Variants in ME3 observed in about 807,000 individuals in gnomAD.
ME3 encodes the protein NADP-dependent malic enzyme, mitochondrial.
Under a neutral mutation model 68.9 loss-of-function variants are expected in ME3, and 48 were observed. The observed-to-expected ratio is 0.70, with a 90% CI of 0.55 to 0.89. The LOEUF is 0.89. Among genes scored for constraint, ME3 ranks in the 40% least tolerant of loss-of-function variants. ME3 has a pLI of 0.00. For missense variants in ME3, 675 were observed against 797.4 expected, an observed-to-expected ratio of 0.85 and a Z score of 1.85; for synonymous variants, 320 against 318.8, an observed-to-expected ratio of 1.00 and a Z score of -0.04.
At chr11:86,664,978 G>T (rs1946502183) in intron 2 of ME3, among the ~76,000 whole-genome samples, 1 of 152,184 alleles carries the variant, frequency 6.6e-6, no homozygotes. Flanking sequence ...CACTCCAGAT[G>T]GGCATGTCAA....
At chr11:86,556,556 G>A in exon 4 of ME3, 2 of 1,613,632 alleles carry the variant, frequency 1.2e-6, no homozygotes, top group Non-Finnish European at 1.7e-6. Flanking sequence ...GGCTCACCGG[G>A]GCCTGCGGAA....
At chr11:86,663,392 T>C (rs750189150) in intron 2 of ME3, among the ~76,000 whole-genome samples, 2 of 152,182 alleles carry the variant, frequency 1.3e-5, no homozygotes, top group African/African-American at 4.8e-5. Context: ...ACCTTTCAGA[T>C]ACAAAATGAA....
intron 2 of ME3, among the ~76,000 whole-genome samples, chr11:86,582,922 A>AG (rs1170555792): frequency 6.6e-6 from 1 of 151,992 alleles, no homozygotes; most frequent in Admixed American, 6.6e-5. Context: ...AAAAAAAAAA[A>AG]GAAGACAGAA....
intron 4 of ME3, among the ~76,000 whole-genome samples, chr11:86,534,585 G>A (rs1955516455): frequency 6.6e-6 from 1 of 152,154 alleles, no homozygotes. Flanking sequence ...TGAGGCAGGA[G>A]AACTGCTTAA....
chr11:86,523,124 G>C (rs901865863), intron 4 of ME3, among the ~76,000 whole-genome samples: 1 of 152,158 alleles, frequency 6.6e-6, no homozygotes, highest in Admixed American at 6.5e-5. Flanking sequence ...TTGAAGACCT[G>C]ATCTTTGGAC....
At chr11:86,559,789 A>AGCT (rs1213245303) in exon 3 of ME3, 1 of 1,614,080 alleles carries the variant, frequency 6.2e-7, no homozygotes, top group Non-Finnish European at 8.5e-7. Context: ...GTGGATTCCA[A>AGCT]GCTGCAGCCT....
chr11:86,531,977 TA>T (rs1213294593), intron 4 of ME3, among the ~76,000 whole-genome samples: 61 of 98,290 alleles, frequency 6.2e-4, no homozygotes, highest in Non-Finnish European at 1.2e-3. Context: ...AAAGTATAAT[TA>T]AAAAAAACCA....
chr11:86,448,446 T>A (rs559873412), intron 10 of ME3, among the ~76,000 whole-genome samples, 191 bp from the exon 11 acceptor site: 7 of 152,040 alleles, frequency 4.6e-5, no homozygotes, highest in African/African-American at 1.4e-4. Flanking sequence ...AGTGTGAGAG[T>A]GGGGTGTGTG....
intron 4 of ME3, among the ~76,000 whole-genome samples, chr11:86,515,040 A>T (rs1048545656): frequency 2.6e-5 from 4 of 152,222 alleles, no homozygotes; most frequent in African/African-American, 9.6e-5. Flanking sequence ...ATGAATAGTT[A>T]TGTGTGTTAC....
intron 2 of ME3, among the ~76,000 whole-genome samples, chr11:86,618,360 C>T (rs1031373981): frequency 7.3e-6 from 1 of 136,522 alleles, no homozygotes; most frequent in Non-Finnish European, 1.6e-5. Context: ...ACATAAATCA[C>T]CTAGCTTCAG....
chr11:86,665,934 T>C (rs928704093), intron 2 of ME3, among the ~76,000 whole-genome samples: 4 of 152,192 alleles, frequency 2.6e-5, no homozygotes, highest in Admixed American at 2.6e-4. Context: ...TCAGAGGTTC[T>C]TGCATAATCT....
chr11:86,482,518 A>G (rs1313831278), intron 7 of ME3, among the ~76,000 whole-genome samples: 4 of 151,140 alleles, frequency 2.6e-5, no homozygotes, highest in African/African-American at 7.3e-5. Context: ...AGTCTCTGAC[A>G]TTGGTGGCCC....
chr11:86,472,592 G>T (rs1950844847), intron 7 of ME3, among the ~76,000 whole-genome samples: 2 of 152,320 alleles, frequency 1.3e-5, no homozygotes, highest in South Asian at 4.1e-4. Context: ...CTTTGAGACT[G>T]AGCAGGTGTG....
At chr11:86,601,222 A>G (rs1245735314) in intron 2 of ME3, among the ~76,000 whole-genome samples, 99 of 151,994 alleles carry the variant, frequency 6.5e-4, no homozygotes, top group Non-Finnish European at 1.0e-3. Context: ...TAATAAAGAA[A>G]AAAAGAGAGA....
chr11:86,438,064 G>A (rs910591977), downstream of ME3, among the ~76,000 whole-genome samples: 7 of 152,164 alleles, frequency 4.6e-5, no homozygotes, highest in Admixed American at 3.3e-4. Context: ...CCAGATCTTA[G>A]GGAGAAAGTA....
intron 2 of ME3, among the ~76,000 whole-genome samples, chr11:86,562,561 G>GT (rs1030233340): frequency 2.6e-5 from 4 of 152,086 alleles, no homozygotes; most frequent in Admixed American, 2.6e-4. Flanking sequence ...GGTATTGTCA[G>GT]TTTTTTGGAT....
chr11:86,584,515 A>G (rs1279498955), intron 2 of ME3, among the ~76,000 whole-genome samples: 1 of 152,246 alleles, frequency 6.6e-6, no homozygotes, highest in Non-Finnish European at 1.5e-5. Context: ...TATTAGCACT[A>G]TTCACAATAG....
Position 86,544,774 on chromosome 11 carries a change from T to C in ME3, c.467+11779A>G, listed in dbSNP as rs144748880. On this transcript the variant is annotated intron_variant, in intron 4 of 14. Coordinates refer to ENST00000543262, the Ensembl canonical transcript of ME3. Reference sequence around the variant, plus strand: ...TTCCTTCTGAAACTATTCCAAACAATAGAAAGAGAGGGACCGCTCCCTAAC... The same window carrying C: ...TTCCTTCTGAAACTATTCCAAACAACAGAAAGAGAGGGACCGCTCCCTAAC... 3.2e-3 allele frequency among the ~76,000 whole-genome samples: 486 copies of C among 152,084 alleles called. 5 individuals are homozygous for C. Among genetic ancestry groups the C allele is most frequent in the African/African-American group, 0.011 (473 of 41,462 alleles).
chr11:86,542,102 G>A (rs1346581460), intron 4 of ME3, among the ~76,000 whole-genome samples: 1 of 152,162 alleles, frequency 6.6e-6, no homozygotes, highest in Non-Finnish European at 1.5e-5. Context: ...GAAAGGAATA[G>A]CATCAACATC....
Sources: allele counts gnomAD v4.1 joint callset (sites outside exome capture counted in the v4.1 genomes callset), GRCh38; gene constraint gnomAD v4.1.1; transcripts MANE v1.5; gene names NCBI Gene and HGNC (gene_info 2026-07-23, HGNC 2026-07-21).